BMAL1: variants seen among roughly 807,000 people sequenced by gnomAD.
BMAL1 encodes the protein basic helix-loop-helix ARNT like 1.
the BMAL1 span, among the ~76,000 whole-genome samples, chr11:13,357,404 G>A: frequency 2.0e-5 from 3 of 152,218 alleles, no homozygotes; most frequent in African/African-American, 7.2e-5. The surrounding 1 kb of genome is among the most constrained non-coding windows in gnomAD (Gnocchi z 4.8). Flanking sequence ...TGACTGGAGC[G>A]CCCTCCGCAG....
the BMAL1 span, chr11:13,385,824 TG>T: frequency 2.0e-6 from 3 of 1,504,172 alleles, no homozygotes; most frequent in African/African-American, 4.1e-5. Context: ...TCCATTGCAA[TG>T]AGCTTGCAAA....
At chr11:13,301,641 A>G in the BMAL1 span, among the ~76,000 whole-genome samples, 1 of 152,154 alleles carries the variant, frequency 6.6e-6, no homozygotes, top group East Asian at 1.9e-4. Flanking sequence ...AGCAAAGGTA[A>G]AAGGCCTGAG....
chr11:13,284,108 GTGTATATATATGTGTGTGTGTATA>G, the BMAL1 span, among the ~76,000 whole-genome samples: 1 of 60,436 alleles, frequency 1.7e-5, no homozygotes, highest in African/African-American at 5.3e-5. Context: ...GTGTGTGTGT[GTGTATATATATGTGTGTGTGTATA>G]TATATATATA....
chr11:13,293,316 G>A, the BMAL1 span, among the ~76,000 whole-genome samples: 2 of 152,258 alleles, frequency 1.3e-5, 1 homozygote, highest in Non-Finnish European at 2.9e-5. Context: ...CTAGGAGTCA[G>A]AAGACCTAGG....
the BMAL1 span, among the ~76,000 whole-genome samples, chr11:13,279,103 G>A: frequency 6.6e-6 from 1 of 152,182 alleles, no homozygotes; most frequent in East Asian, 1.9e-4. Flanking sequence ...TCCCCTCTCC[G>A]CCTCGGCCCC....
the BMAL1 span, chr11:13,376,810 G>C: frequency 7.5e-7 from 1 of 1,332,426 alleles, no homozygotes; most frequent in Non-Finnish European, 1.0e-6. Flanking sequence ...AGTATTCAGG[G>C]TCCCCTCCAT....
At chr11:13,312,831 C>G in the BMAL1 span, among the ~76,000 whole-genome samples, 1 of 152,170 alleles carries the variant, frequency 6.6e-6, no homozygotes, top group African/African-American at 2.4e-5. Flanking sequence ...GACACTTAGC[C>G]TCTCAGGCAC....
chr11:13,277,370 G>A, the BMAL1 span, among the ~76,000 whole-genome samples: 1 of 152,162 alleles, frequency 6.6e-6, no homozygotes, highest in Non-Finnish European at 1.5e-5. Context: ...AGCGCGGCTT[G>A]GGCACCGCAG....
the BMAL1 span, among the ~76,000 whole-genome samples, chr11:13,284,267 T>TA: frequency 0.024 from 282 of 11,762 alleles, 35 homozygotes; most frequent in African/African-American, 0.048. Context: ...TATATATATA[T>TA]TTTTTTTTTT....
At chr11:13,285,292 A>T in the BMAL1 span, among the ~76,000 whole-genome samples, 2 of 152,200 alleles carry the variant, frequency 1.3e-5, no homozygotes, top group African/African-American at 4.8e-5. Context: ...AGTTTCACTC[A>T]GTTACTCCGT....
chr11:13,326,702 T>C, the BMAL1 span, among the ~76,000 whole-genome samples: 11 of 145,096 alleles, frequency 7.6e-5, no homozygotes. Context: ...TATAGAGAGA[T>C]AATATAGAAG....
chr11:13,277,276 A>G, the BMAL1 span, among the ~76,000 whole-genome samples: 1 of 152,192 alleles, frequency 6.6e-6, no homozygotes, highest in Non-Finnish European at 1.5e-5. Flanking sequence ...GGGGAGAAGA[A>G]GAAGGAGGAG....
At chr11:13,363,166 A>G in the BMAL1 span, among the ~76,000 whole-genome samples, 2 of 128,016 alleles carry the variant, frequency 1.6e-5, no homozygotes, top group African/African-American at 2.9e-5. Context: ...ATATATATAT[A>G]TGTAAAATAA....
At chr11:13,381,384 G>C in the BMAL1 span, 24 of 843,360 alleles carry the variant, frequency 2.8e-5, no homozygotes, top group Non-Finnish European at 4.6e-5. Context: ...TGAAGTAAAT[G>C]CATCTGTGTG....
the BMAL1 span, among the ~76,000 whole-genome samples, chr11:13,305,253 G>C: frequency 1.3e-5 from 2 of 152,138 alleles, no homozygotes; most frequent in Non-Finnish European, 2.9e-5. Context: ...TCACTGGAGA[G>C]CAAAACAATA....
At chr11:13,307,215 T>A in the BMAL1 span, among the ~76,000 whole-genome samples, 4 of 152,212 alleles carry the variant, frequency 2.6e-5, no homozygotes, top group Non-Finnish European at 5.9e-5. Flanking sequence ...GAATATGTAG[T>A]CTGGCAGTGC....
At chr11:13,349,773 A>G in the BMAL1 span, among the ~76,000 whole-genome samples, 23 of 152,206 alleles carry the variant, frequency 1.5e-4, no homozygotes, top group African/African-American at 5.5e-4. Flanking sequence ...ACGGCCAGGC[A>G]GCAAGGGGTG....
the BMAL1 span, chr11:13,360,509 A>T: frequency 1.5e-6 from 2 of 1,294,690 alleles, no homozygotes; most frequent in South Asian, 1.3e-5. Context: ...TTGATGTTTC[A>T]ACACTGAGCT....
chr11:13,331,590 A>G, the BMAL1 span, among the ~76,000 whole-genome samples: 1 of 152,146 alleles, frequency 6.6e-6, no homozygotes, highest in African/African-American at 2.4e-5. Flanking sequence ...TGGGAAAGCA[A>G]GTGGGTGGCA....
Sources: gnomAD v4.1 joint callset for allele counts (sites outside exome capture counted in the v4.1 genomes callset) on GRCh38, gnomAD v4.1.1 for gene constraint, Gnocchi (gnomAD v3.1) non-coding constraint, MANE v1.5 for transcripts, NCBI Gene and HGNC (gene_info 2026-07-23, HGNC 2026-07-21) for gene names.